TBC1D1: variants seen among roughly 807,000 people sequenced by gnomAD.
TBC1D1 encodes the protein TBC1 domain family member 1.
A neutral mutation model predicts 125.6 loss-of-function variants in TBC1D1; 89 were observed. The ratio of observed to expected loss-of-function variants is 0.71; its 90% confidence interval spans 0.60 to 0.85. TBC1D1 has a LOEUF of 0.85. TBC1D1 is among the 40% of genes least tolerant of loss of function. TBC1D1 has a pLI of 0.00. For missense variants in TBC1D1, 1,377 were observed against 1,469.2 expected (o/e 0.94, Z 1.03); for synonymous variants, 565 against 564.1 (o/e 1.00, Z -0.02).
At chr4:38,098,633 T>G (rs989647782) in intron 14 of TBC1D1, among the ~76,000 whole-genome samples, 1 of 152,246 alleles carries the variant, frequency 6.6e-6, no homozygotes, top group Non-Finnish European at 1.5e-5. Flanking sequence ...AAGGGGGCTT[T>G]GTCAGTCAGG....
At chr4:38,032,585 A>G (rs1285717475) in intron 7 of TBC1D1, among the ~76,000 whole-genome samples, 1 of 152,200 alleles carries the variant, frequency 6.6e-6, no homozygotes, top group African/African-American at 2.4e-5. Context: ...CTGTAATCCC[A>G]GCACTTTGGG....
chr4:37,984,591 C>T (rs1735044410), intron 2 of TBC1D1, among the ~76,000 whole-genome samples: 1 of 152,088 alleles, frequency 6.6e-6, no homozygotes, highest in Non-Finnish European at 1.5e-5. Context: ...CACCTGTGAT[C>T]CCAGCACTTT....
At chr4:37,990,049 C>T (rs891855104) in intron 2 of TBC1D1, among the ~76,000 whole-genome samples, 11 of 152,126 alleles carry the variant, frequency 7.2e-5, no homozygotes, top group Non-Finnish European at 8.8e-5. Flanking sequence ...TGGTATTTTG[C>T]GGAAGTTCTT....
chr4:37,985,595 A>C (rs1446383124), intron 2 of TBC1D1, among the ~76,000 whole-genome samples: 1 of 152,232 alleles, frequency 6.6e-6, no homozygotes, highest in Non-Finnish European at 1.5e-5. Context: ...CTTTTTAAAA[A>C]TAGTTCCTAT....
chr4:37,994,368 C>A (rs143508290), intron 2 of TBC1D1, among the ~76,000 whole-genome samples: 1 of 152,186 alleles, frequency 6.6e-6, no homozygotes, highest in Non-Finnish European at 1.5e-5. Flanking sequence ...TGGCTCACTG[C>A]AGCCTTAAAC....
At chr4:38,044,729 G>A (rs540738796) in intron 9 of TBC1D1, among the ~76,000 whole-genome samples, 1 of 151,554 alleles carries the variant, frequency 6.6e-6, no homozygotes, top group African/African-American at 2.4e-5. Context: ...TTTTTTTGCC[G>A]CTCCAAAGAA....
intron 4 of TBC1D1, among the ~76,000 whole-genome samples, chr4:38,019,358 T>C (rs931671357): frequency 9.2e-5 from 14 of 152,302 alleles, no homozygotes; most frequent in African/African-American, 3.4e-4. Context: ...CTAAATCATA[T>C]TTCCTTAAGT....
chr4:38,018,248 T>C, intron 3 of TBC1D1, 106 bp from the exon 4 acceptor site: 1 of 843,668 alleles, frequency 1.2e-6, no homozygotes, highest in South Asian at 1.6e-5. Context: ...ATTTCTACGA[T>C]GATAGAGTCA....
intron 11 of TBC1D1, chr4:38,053,115 C>T: frequency 1.3e-6 from 2 of 1,498,308 alleles, no homozygotes; most frequent in Non-Finnish European, 1.8e-6. Flanking sequence ...GCATCTCCTA[C>T]CGTAATGCCC....
At chr4:38,127,342 A>G (rs1311353049) in intron 18 of TBC1D1, among the ~76,000 whole-genome samples, 1 of 149,114 alleles carries the variant, frequency 6.7e-6, no homozygotes, top group African/African-American at 2.5e-5. Flanking sequence ...TCAAGCCGCT[A>G]TCTGGCTATT....
chr4:38,106,802 G>A (rs183099991), intron 15 of TBC1D1, among the ~76,000 whole-genome samples: 4 of 152,218 alleles, frequency 2.6e-5, no homozygotes, highest in Non-Finnish European at 5.9e-5. Flanking sequence ...AAGGGCCTCG[G>A]CGTGGCTGTG....
At chr4:37,920,129 C>A (rs28488944) in intron 2 of TBC1D1, among the ~76,000 whole-genome samples, 2,112 of 152,168 alleles carry the variant, frequency 0.014, 43 homozygotes, top group African/African-American at 0.043. Context: ...ACAACAACAA[C>A]AAAAAACATT....
At chr4:37,895,321 G>A (rs1340855127) in intron 1 of TBC1D1, among the ~76,000 whole-genome samples, 3 of 152,190 alleles carry the variant, frequency 2.0e-5, no homozygotes, top group Admixed American at 2.0e-4. Flanking sequence ...CATAATCTCT[G>A]AGGGCCAGCT....
intron 12 of TBC1D1, among the ~76,000 whole-genome samples, chr4:38,061,596 A>G (rs1385824925): frequency 1.3e-5 from 2 of 152,216 alleles, no homozygotes; most frequent in East Asian, 3.8e-4. Context: ...AGATAAGAAT[A>G]ATTTATTGAT....
At chr4:38,128,249 G>T (rs574486208) in intron 18 of TBC1D1, among the ~76,000 whole-genome samples, 1 of 152,034 alleles carries the variant, frequency 6.6e-6, no homozygotes, top group African/African-American at 2.4e-5. Context: ...AGATCTACCC[G>T]CATCTCTCCC....
At chr4:38,098,511 C>T (rs1037029745) in intron 14 of TBC1D1, among the ~76,000 whole-genome samples, 9 of 152,150 alleles carry the variant, frequency 5.9e-5, no homozygotes, top group Non-Finnish European at 8.8e-5. Context: ...GAAAGTTGGG[C>T]ACAGATGATT....
In TBC1D1 at chr4:38,110,734, G is replaced by T. The variant is rs1762066822; in HGVS notation, c.2558-4976G>T. ...AAGGACCTGCACTTCTCTGCTTTGT[G>T]GTAAGTTGTAAAATGCAGTTTAAAG... is the stretch of plus-strand genomic sequence containing the variant. On this transcript the variant is annotated intron_variant, in intron 15 of 19. Transcript: ENST00000261439. 1.5e-5 allele frequency: 15 copies of T among 985,306 alleles called. No homozygotes were observed. In the South Asian group the frequency reaches 6.1e-4, roughly 40 times the overall value. The allele number at this position is 985,306 out of a possible 1,614,324, so 61.0% of individuals were successfully genotyped here.
chr4:38,088,885 A>G (rs1401084692), intron 12 of TBC1D1, among the ~76,000 whole-genome samples: 1 of 152,144 alleles, frequency 6.6e-6, no homozygotes, highest in African/African-American at 2.4e-5. Context: ...GTGCAGTGCA[A>G]CTGTACTGCC....
chr4:37,932,706 C>G (rs1723518241), intron 2 of TBC1D1, among the ~76,000 whole-genome samples: 1 of 152,138 alleles, frequency 6.6e-6, no homozygotes, highest in African/African-American at 2.4e-5. Flanking sequence ...CAGTGCTCCT[C>G]TCCTCACAGA....
Sources: allele counts gnomAD v4.1 joint callset (sites outside exome capture counted in the v4.1 genomes callset), GRCh38; gene constraint gnomAD v4.1.1; transcripts MANE v1.5; gene names NCBI Gene and HGNC (gene_info 2026-07-23, HGNC 2026-07-21).